The following CCDC178 variants were observed in gnomAD, a reference collection of about 807,000 sequenced individuals.
CCDC178 encodes the protein coiled-coil domain-containing protein 178.
CCDC178 carries 126 observed loss-of-function variants against 117.4 expected under a neutral mutation model. The ratio of observed to expected loss-of-function variants is 1.07; its 90% CI spans 0.93 to 1.24. The LOEUF (loss-of-function observed/expected upper bound fraction) is 1.24. CCDC178 is among the 50% of genes most tolerant of loss of function. The pLI is 0.00. For synonymous variants in CCDC178, 283 were observed against 313.4 expected (o/e 0.90, Z 1.02); for missense variants, 1,030 against 986.9 (o/e 1.04, Z -0.59).
At chr18:33,196,358 G>A (rs2058929836) in intron 20 of CCDC178, among the ~76,000 whole-genome samples, 1 of 152,138 alleles carries the variant, frequency 6.6e-6, no homozygotes, top group African/African-American at 2.4e-5. Flanking sequence ...TGACTCCAGG[G>A]AGCAAAGGAT....
At chr18:33,257,488 C>G (rs1338695411) in intron 14 of CCDC178, among the ~76,000 whole-genome samples, 1 of 152,002 alleles carries the variant, frequency 6.6e-6, no homozygotes, top group Non-Finnish European at 1.5e-5. Context: ...GCTATTCTTC[C>G]ACCCATATTT....
At chr18:33,056,258 T>C (rs1047225517) in intron 21 of CCDC178, among the ~76,000 whole-genome samples, 5 of 152,224 alleles carry the variant, frequency 3.3e-5, no homozygotes, top group Non-Finnish European at 7.3e-5. Context: ...AGGGGTCAGT[T>C]CACAATCATC....
At chr18:33,316,216 G>A (rs1444699578) in intron 11 of CCDC178, among the ~76,000 whole-genome samples, 3 of 152,236 alleles carry the variant, frequency 2.0e-5, no homozygotes, top group Admixed American at 1.3e-4. Flanking sequence ...CAGCTTGTGG[G>A]GAGGTGTGGA....
intron 12 of CCDC178, among the ~76,000 whole-genome samples, chr18:33,271,580 C>T (rs987708188): frequency 1.3e-4 from 19 of 151,242 alleles, no homozygotes; most frequent in East Asian, 1.9e-4. Flanking sequence ...ATAACAATCA[C>T]GAATATGAAT....
chr18:33,082,263 G>C (rs2057309658), intron 21 of CCDC178, among the ~76,000 whole-genome samples: 1 of 152,142 alleles, frequency 6.6e-6, no homozygotes, highest in Admixed American at 6.5e-5. Flanking sequence ...TTGAGCTCAG[G>C]AGTTCGAGAT....
intron 11 of CCDC178, among the ~76,000 whole-genome samples, chr18:33,306,883 G>T (rs549737133): frequency 6.6e-6 from 1 of 152,102 alleles, no homozygotes; most frequent in East Asian, 1.9e-4. Flanking sequence ...AAGATCTGAT[G>T]ATTTTATAAG....
chr18:33,125,028 A>AG (rs1425557396), intron 20 of CCDC178, among the ~76,000 whole-genome samples: 1 of 151,834 alleles, frequency 6.6e-6, no homozygotes, highest in African/African-American at 2.4e-5. Flanking sequence ...GCTTGATGCT[A>AG]GTGTTTAGCA....
intron 22 of CCDC178, among the ~76,000 whole-genome samples, chr18:32,943,802 T>C (rs1003001680): frequency 2.0e-5 from 3 of 152,212 alleles, no homozygotes; most frequent in Non-Finnish European, 4.4e-5. Flanking sequence ...CTTCTGAAAT[T>C]TATTGTCCAC....
chr18:32,956,509 T>G (rs771998132), intron 22 of CCDC178: 1 of 152,178 alleles, frequency 6.6e-6, no homozygotes, highest in African/African-American at 2.4e-5. Context: ...ACTTTGCCTC[T>G]TCTCCCCTCT....
chr18:33,028,430 C>T (rs2144851102), intron 21 of CCDC178, among the ~76,000 whole-genome samples: 1 of 151,776 alleles, frequency 6.6e-6, no homozygotes, highest in East Asian at 1.9e-4. Context: ...CATGACTTTC[C>T]AGAGTGGCTA....
intron 21 of CCDC178, among the ~76,000 whole-genome samples, chr18:32,982,189 G>A (rs552872573): frequency 6.6e-6 from 1 of 151,930 alleles, no homozygotes; most frequent in East Asian, 1.9e-4. Context: ...ACTCCCCAAA[G>A]CACATCATTT....
chr18:33,245,125 A>G, intron 15 of CCDC178, 120 bp downstream of exon 15: 1 of 944,188 alleles, frequency 1.1e-6, no homozygotes, highest in Non-Finnish European at 1.4e-6. Context: ...ATAAGAAGTG[A>G]GTTTTTGAAA....
chr18:33,336,836 C>T (rs2062746676), intron 9 of CCDC178, among the ~76,000 whole-genome samples: 1 of 148,418 alleles, frequency 6.7e-6, no homozygotes. Context: ...TATGATGCCT[C>T]CAGATTTGTT....
intron 21 of CCDC178, among the ~76,000 whole-genome samples, chr18:33,031,795 A>G (rs1398099534): frequency 6.6e-6 from 1 of 152,090 alleles, no homozygotes; most frequent in East Asian, 1.9e-4. Context: ...TCATGGCAGC[A>G]CTGTTCACGA....
chr18:33,197,319 G>A (rs902093441), intron 20 of CCDC178, among the ~76,000 whole-genome samples: 21 of 152,132 alleles, frequency 1.4e-4, no homozygotes, highest in African/African-American at 5.1e-4. Flanking sequence ...GCGAGCCACC[G>A]CATCCAGCCA....
chr18:33,007,544 A>T (rs1348685868), intron 21 of CCDC178, among the ~76,000 whole-genome samples: 2 of 151,988 alleles, frequency 1.3e-5, no homozygotes, highest in Non-Finnish European at 2.9e-5. Context: ...TCTGCCCAAG[A>T]GCACTGGGAC....
chr18:33,338,932 A>G (rs1473324781), intron 9 of CCDC178, among the ~76,000 whole-genome samples: 3 of 152,298 alleles, frequency 2.0e-5, no homozygotes, highest in South Asian at 4.1e-4. Flanking sequence ...TAATTAAATT[A>G]GCCTTAACAG....
chr18:33,235,899 C>A (rs1327397296), intron 15 of CCDC178, among the ~76,000 whole-genome samples: 1 of 152,156 alleles, frequency 6.6e-6, no homozygotes, highest in Non-Finnish European at 1.5e-5. Flanking sequence ...TATTCTGACA[C>A]TTGGCCAAAC....
chr18:33,331,184 C>A (rs1223647540), intron 10 of CCDC178, among the ~76,000 whole-genome samples: 1 of 151,202 alleles, frequency 6.6e-6, no homozygotes, highest in African/African-American at 2.4e-5. Flanking sequence ...AAAGGGATAC[C>A]AATTAAAACA....
Sources: gnomAD v4.1 joint callset for allele counts (sites outside exome capture counted in the v4.1 genomes callset) on GRCh38, gnomAD v4.1.1 for gene constraint, MANE v1.5 for transcripts, NCBI Gene and HGNC (gene_info 2026-07-23, HGNC 2026-07-21) for gene names.